Variants in CWH43 observed in about 807,000 individuals in gnomAD.
The protein encoded by CWH43 is PGAP2-interacting protein.
In CWH43, 91 loss-of-function variants were observed where a neutral mutation model predicts 85.7. That is an observed-to-expected ratio of 1.06 (90% CI 0.90 to 1.26). The LOEUF (loss-of-function observed/expected upper bound fraction) is 1.26. Among genes scored for constraint, CWH43 ranks in the 50% most tolerant of loss-of-function variants. The probability of loss-of-function intolerance (pLI) is 0.00; values close to 1 mark genes in which losing one functional copy is unlikely to be tolerated. For missense variants in CWH43, 869 were observed against 839.2 expected (o/e 1.04, Z -0.44); for synonymous variants, 323 against 293.6 (o/e 1.10, Z -1.02).
intron 13 of CWH43, among the ~76,000 whole-genome samples, chr4:49,041,368 A>G (rs1275379094): frequency 1.3e-5 from 2 of 152,108 alleles, no homozygotes; most frequent in South Asian, 2.1e-4. Context: ...GATTCTTCCT[A>G]CCCATGAGCA....
intron 13 of CWH43, 36 bp from the exon 14 acceptor site, chr4:49,044,750 T>C (rs1405849139): frequency 6.3e-7 from 1 of 1,575,272 alleles, no homozygotes; most frequent in Non-Finnish European, 8.7e-7. Flanking sequence ...CTTTGCTTTT[T>C]ATGCTTTAAA....
intron 9 of CWH43, among the ~76,000 whole-genome samples, chr4:49,028,004 C>T (rs1331566015): frequency 1.3e-5 from 2 of 152,188 alleles, no homozygotes; most frequent in Admixed American, 1.3e-4. Context: ...TTAAAATAGG[C>T]TGACCACTTC....
At chr4:48,989,844 A>T (rs529386322) in intron 2 of CWH43, among the ~76,000 whole-genome samples, 6 of 152,340 alleles carry the variant, frequency 3.9e-5, no homozygotes, top group Admixed American at 3.3e-4. Context: ...ATGGTCTTGA[A>T]ATTTTCAGCT....
intron 12 of CWH43, among the ~76,000 whole-genome samples, chr4:49,036,524 G>A (rs1460130566): frequency 6.6e-6 from 1 of 152,092 alleles, no homozygotes; most frequent in Non-Finnish European, 1.5e-5. Flanking sequence ...ACTCAACAAG[G>A]TTTCTCCAGT....
chr4:49,012,986 G>A (rs1489910649), intron 8 of CWH43, among the ~76,000 whole-genome samples: 1 of 152,232 alleles, frequency 6.6e-6, no homozygotes, highest in Non-Finnish European at 1.5e-5. Flanking sequence ...TGTTCTCAGA[G>A]CTCAAATGCC....
Position 48,986,489 on chromosome 4 carries a change from C to T in CWH43, c.43+17C>T, listed in dbSNP as rs1190020350. On this transcript the variant is annotated intron_variant, in intron 1 of 15. Coordinates refer to ENST00000226432, the MANE Select transcript of CWH43 (RefSeq NM_025087.3). ...CGCTGCTGGGTAAGCCGAAGCCCCT[C>T]GCCGCGAGTTCGCGGGTGCCAGCTC... is the stretch of plus-strand genomic sequence containing the variant. The T allele has an allele frequency of 2.6e-6, 4 of 1,552,468 alleles. No homozygotes were observed. The highest frequency in any genetic ancestry group is 3.5e-6 in the Non-Finnish European group (4 of 1,147,620).
intron 6 of CWH43, among the ~76,000 whole-genome samples, chr4:48,999,229 T>C (rs1386538939): frequency 6.6e-6 from 1 of 152,190 alleles, no homozygotes; most frequent in Admixed American, 6.5e-5. Flanking sequence ...TCCAGCTCCA[T>C]CTGTGTTCCT....
At chr4:49,027,927 A>G (rs1467030503) in intron 9 of CWH43, among the ~76,000 whole-genome samples, 1 of 152,100 alleles carries the variant, frequency 6.6e-6, no homozygotes, top group Non-Finnish European at 1.5e-5. Context: ...GACCTTGTAA[A>G]GGGGGCTGTG....
At chr4:49,016,722 T>C in intron 8 of CWH43, 1 of 776,004 alleles carries the variant, frequency 1.3e-6, no homozygotes, top group South Asian at 1.3e-5. Context: ...CTTTGCCTGC[T>C]CGAAAACAAC....
At chr4:49,022,479 A>C (rs978300562) in intron 9 of CWH43, among the ~76,000 whole-genome samples, 5 of 152,126 alleles carry the variant, frequency 3.3e-5, no homozygotes, top group Non-Finnish European at 7.4e-5. Flanking sequence ...TTTTGCATCT[A>C]TATTCATCAG....
chr4:48,996,937 T>C (rs1281631689), intron 5 of CWH43, among the ~76,000 whole-genome samples: 1 of 152,226 alleles, frequency 6.6e-6, no homozygotes, highest in Non-Finnish European at 1.5e-5. Context: ...TTTCTTGAGA[T>C]GTTAATGGTT....
chr4:49,037,064 C>G (rs772223837), intron 12 of CWH43, among the ~76,000 whole-genome samples: 1 of 152,190 alleles, frequency 6.6e-6, no homozygotes, highest in East Asian at 1.9e-4. Flanking sequence ...CTAACCAATT[C>G]CCTATATTAA....
intron 13 of CWH43, among the ~76,000 whole-genome samples, chr4:49,039,477 A>T (rs1305578284): frequency 6.9e-6 from 1 of 145,774 alleles, no homozygotes; most frequent in African/African-American, 2.5e-5. Flanking sequence ...TTAATTTAGA[A>T]TGAGAAATAT....
At chr4:49,059,864 T>C (rs2109854016) in intron 15 of CWH43, among the ~76,000 whole-genome samples, 1 of 152,180 alleles carries the variant, frequency 6.6e-6, no homozygotes, top group African/African-American at 2.4e-5. Context: ...GGGTTAGGCC[T>C]TCAGCCTGAG....
intron 13 of CWH43, among the ~76,000 whole-genome samples, chr4:49,038,829 C>G (rs954591516): frequency 1.3e-5 from 2 of 151,910 alleles, no homozygotes; most frequent in African/African-American, 2.4e-5. Context: ...GAGGCTGAGG[C>G]GGGCGGATCA....
chr4:49,006,544 A>G (rs1347367884), intron 7 of CWH43, among the ~76,000 whole-genome samples: 5 of 152,154 alleles, frequency 3.3e-5, no homozygotes, highest in Non-Finnish European at 5.9e-5. Context: ...TTTACTTGAC[A>G]TTTCTTAAAT....
chr4:49,048,396 G>GTA (rs1784696037), intron 14 of CWH43, among the ~76,000 whole-genome samples: 1 of 150,202 alleles, frequency 6.7e-6, no homozygotes, highest in Non-Finnish European at 1.5e-5. Context: ...TACATATAAA[G>GTA]TATATATATA....
chr4:48,996,107 A>G (rs1185764533), intron 5 of CWH43, among the ~76,000 whole-genome samples: 1 of 151,988 alleles, frequency 6.6e-6, no homozygotes. Context: ...GAAGTGCCAG[A>G]CTGTTCCTGT....
intron 8 of CWH43, among the ~76,000 whole-genome samples, chr4:49,014,834 C>T (rs1238902978): frequency 5.3e-5 from 8 of 151,842 alleles, no homozygotes; most frequent in African/African-American, 1.5e-4. Flanking sequence ...AAATTACTCA[C>T]CAGAATGATA....
Sources: gnomAD v4.1 joint callset for allele counts (sites outside exome capture counted in the v4.1 genomes callset) on GRCh38, gnomAD v4.1.1 for gene constraint, MANE v1.5 for transcripts, NCBI Gene and HGNC (gene_info 2026-07-23, HGNC 2026-07-21) for gene names.